Variants in NKAIN3 observed in about 807,000 individuals in gnomAD.
NKAIN3 encodes the protein sodium/potassium-transporting ATPase subunit beta-1-interacting protein 3.
In NKAIN3, 25 loss-of-function variants were observed where a neutral mutation model predicts 30.2. That is an observed-to-expected ratio of 0.83 (90% CI 0.60 to 1.16). The LOEUF is 1.16. Ranked by LOEUF, NKAIN3 falls within the 50% of genes most tolerant of loss-of-function variation. NKAIN3 has a pLI of 0.00. For synonymous variants in NKAIN3, 91 were observed against 89.6 expected (o/e 1.02, Z -0.09); for missense variants, 225 against 254.1 (o/e 0.89, Z 0.78).
rs555081717 is a variant in NKAIN3, at chr8:62,932,748, G to GT, written c.532+14242dup. Among the ~76,000 whole-genome samples, 6 of 151,980 alleles carry GT rather than the reference G, an allele frequency of 3.9e-5. No individual in the cohort carries two copies. The South Asian group carries it at 8.3e-4, about 21-fold the overall frequency. ...TGGAGAATGCCTCTTTTTTAAATTT[G>GT]TTTTTTTAGAGACAGGGTCTCTCTC... On this transcript the variant is annotated intron_variant, in intron 5 of 6. Coordinates refer to ENST00000623646, the MANE Select transcript of NKAIN3 (RefSeq NM_001304533.3).
intron 4 of NKAIN3, among the ~76,000 whole-genome samples, chr8:62,882,281 G>T (rs977050156): frequency 6.6e-5 from 10 of 151,876 alleles, no homozygotes; most frequent in Non-Finnish European, 1.3e-4. Context: ...TTTCTTTCAA[G>T]GAACATGTTT....
intron 1 of NKAIN3, among the ~76,000 whole-genome samples, chr8:62,304,240 C>G (rs1469594950): frequency 6.6e-6 from 1 of 150,376 alleles, no homozygotes; most frequent in African/African-American, 2.5e-5. Flanking sequence ...TTTCAGTGCT[C>G]TCTCAGCCCC....
chr8:62,621,917 A>G (rs933782416), intron 3 of NKAIN3, among the ~76,000 whole-genome samples: 2 of 152,064 alleles, frequency 1.3e-5, no homozygotes, highest in Non-Finnish European at 2.9e-5. Context: ...CTCCTGCAAG[A>G]TCCTTCAACT....
At chr8:62,491,928 G>A (rs985918) in intron 1 of NKAIN3, among the ~76,000 whole-genome samples, 1 of 151,846 alleles carries the variant, frequency 6.6e-6, no homozygotes, top group East Asian at 1.9e-4. Flanking sequence ...GTTTTAAAGA[G>A]GGTGTGGTCA....
At position 62,704,864 on chromosome 8, in the gene NKAIN3, A is replaced by G. The variant is rs113738605; in HGVS notation, c.274-42068A>G. Reference sequence around the variant, plus strand: ...AGAGCATAACTTGCAAAATTATGTAATAACTAAATAATTGTTGAGTGAATA... The same window carrying G: ...AGAGCATAACTTGCAAAATTATGTAGTAACTAAATAATTGTTGAGTGAATA... On this transcript the variant is annotated intron_variant, in intron 3 of 6. Coordinates refer to ENST00000623646, the MANE Select transcript of NKAIN3 (RefSeq NM_001304533.3). 7.8e-3 allele frequency among the ~76,000 whole-genome samples: 1,191 copies of G among 152,334 alleles called. 13 individuals carry two copies. The highest frequency in any genetic ancestry group is 0.027 in the African/African-American group (1,142 of 41,578).
At chr8:62,847,979 A>G (rs994348477) in intron 4 of NKAIN3, among the ~76,000 whole-genome samples, 6 of 152,174 alleles carry the variant, frequency 3.9e-5, no homozygotes, top group African/African-American at 1.2e-4. Flanking sequence ...GTCAAAGATC[A>G]GATAGTTGTA....
In NKAIN3 at chr8:62,976,942, AG is replaced by A. The variant is rs1171343337; in HGVS notation, c.*11536del. Among the ~76,000 whole-genome samples, 4 of 152,194 alleles carry A rather than the reference AG, an allele frequency of 2.6e-5. No homozygotes were observed. The highest frequency in any genetic ancestry group is 5.9e-5 in the Non-Finnish European group (4 of 68,040). ...GATTTTATTTCTCCTTCACTTGTGA[AG>A]CTCAGTTTGGCTGGATATGAAATTC... On this transcript the variant is annotated 3_prime_UTR_variant, in exon 7 of 7. Transcript: ENST00000623646.
intron 3 of NKAIN3, among the ~76,000 whole-genome samples, chr8:62,677,920 G>A (rs1318539600): frequency 6.6e-6 from 1 of 152,136 alleles, no homozygotes; most frequent in Non-Finnish European, 1.5e-5. Context: ...GCTGGTCTCT[G>A]TTGTGGTTTG....
At chr8:62,540,792 T>C (rs1234450941) in intron 1 of NKAIN3, among the ~76,000 whole-genome samples, 2 of 152,126 alleles carry the variant, frequency 1.3e-5, no homozygotes, top group African/African-American at 4.8e-5. Context: ...TTTGCATTTT[T>C]GGTTCACTCT....
At chr8:62,666,883 A>C (rs1813121021) in intron 3 of NKAIN3, among the ~76,000 whole-genome samples, 1 of 152,096 alleles carries the variant, frequency 6.6e-6, no homozygotes, top group Non-Finnish European at 1.5e-5. Context: ...GAATGTCATC[A>C]CTGCCAATCC....
At chr8:62,870,487 C>T (rs1820593534) in intron 4 of NKAIN3, among the ~76,000 whole-genome samples, 1 of 132,022 alleles carries the variant, frequency 7.6e-6, no homozygotes, top group Non-Finnish European at 1.5e-5. Context: ...ATATAATGTA[C>T]AATAAGTACA....
intron 3 of NKAIN3, among the ~76,000 whole-genome samples, chr8:62,693,393 AC>A (rs1814045896): frequency 6.6e-6 from 1 of 152,250 alleles, no homozygotes; most frequent in South Asian, 2.1e-4. Context: ...GTAACTTTTG[AC>A]CTTTTTATGC....
chr8:62,935,534 A>T (rs1822757912), intron 5 of NKAIN3, among the ~76,000 whole-genome samples: 1 of 152,116 alleles, frequency 6.6e-6, no homozygotes, highest in Non-Finnish European at 1.5e-5. Context: ...TTTAATCCAG[A>T]TATTTTGGGT....
chr8:62,606,734 A>T (rs1263274752), intron 3 of NKAIN3, among the ~76,000 whole-genome samples: 1 of 152,224 alleles, frequency 6.6e-6, no homozygotes, highest in Non-Finnish European at 1.5e-5. Context: ...CTGTAATTAT[A>T]GAATTAATGA....
chr8:62,359,556 C>T (rs1479898338), intron 1 of NKAIN3, among the ~76,000 whole-genome samples: 1 of 152,166 alleles, frequency 6.6e-6, no homozygotes, highest in African/African-American at 2.4e-5. Flanking sequence ...CAGATAGAGA[C>T]CATGTCTCCC....
At chr8:62,406,503 T>C (rs1804071072) in intron 1 of NKAIN3, among the ~76,000 whole-genome samples, 1 of 152,222 alleles carries the variant, frequency 6.6e-6, no homozygotes, top group South Asian at 2.1e-4. Flanking sequence ...TTAGTCACTT[T>C]TATTTTAAAA....
chr8:62,485,897 C>T (rs951735787), intron 1 of NKAIN3, among the ~76,000 whole-genome samples: 3 of 152,118 alleles, frequency 2.0e-5, no homozygotes, highest in Admixed American at 1.3e-4. Context: ...AGTGCATAAA[C>T]TGATTTTTGA....
At chr8:62,252,195 A>G (rs533983773) in intron 1 of NKAIN3, among the ~76,000 whole-genome samples, 21 of 151,552 alleles carry the variant, frequency 1.4e-4, no homozygotes, top group Non-Finnish European at 3.1e-4. Context: ...GACAATGGAG[A>G]TTATGAGGCA....
At chr8:62,663,008 G>A (rs1812992550) in intron 3 of NKAIN3, among the ~76,000 whole-genome samples, 1 of 152,192 alleles carries the variant, frequency 6.6e-6, no homozygotes, top group Admixed American at 6.5e-5. Flanking sequence ...TTGAAGTAAT[G>A]CAAAAGGCCA....
Sources: gnomAD v4.1 joint callset for allele counts (sites outside exome capture counted in the v4.1 genomes callset) on GRCh38, gnomAD v4.1.1 for gene constraint, MANE v1.5 for transcripts, NCBI Gene and HGNC (gene_info 2026-07-23, HGNC 2026-07-21) for gene names.